The following PITPNA variants were observed in gnomAD, a reference collection of about 807,000 sequenced individuals.
PITPNA encodes the protein phosphatidylinositol transfer protein alpha isoform.
A neutral mutation model predicts 50.3 loss-of-function variants in PITPNA; 13 were observed. The observed-to-expected ratio is 0.26, with a 90% CI of 0.17 to 0.41. The LOEUF (loss-of-function observed/expected upper bound fraction) is 0.41. PITPNA is among the 10% of genes least tolerant of loss of function. The pLI, the probability that PITPNA is intolerant of heterozygous loss-of-function variation, is 1.00. For synonymous variants in PITPNA, 120 were observed against 119.6 expected, an observed-to-expected ratio of 1.00 and a Z score of -0.02; for missense variants, 207 against 333.4, an observed-to-expected ratio of 0.62 and a Z score of 2.95.
At chr17:1,529,155 A>AGAAAGAG (rs56004131) in intron 10 of PITPNA, among the ~76,000 whole-genome samples, 1 of 106,636 alleles carries the variant, frequency 9.4e-6, no homozygotes, top group Admixed American at 1.1e-4. Flanking sequence ...AAAAAAAAAA[A>AGAAAGAG]AGAGAGAGAG....
At chr17:1,557,969 G>A (rs540923436) in intron 2 of PITPNA, among the ~76,000 whole-genome samples, 3 of 152,250 alleles carry the variant, frequency 2.0e-5, no homozygotes, top group African/African-American at 7.2e-5. Context: ...GGGGGCTCAC[G>A]CCTGTCATCC....
intron 10 of PITPNA, among the ~76,000 whole-genome samples, chr17:1,532,982 C>T (rs563954516): frequency 2.6e-5 from 4 of 152,364 alleles, no homozygotes; most frequent in Admixed American, 6.5e-5. Flanking sequence ...ACCCAATTTT[C>T]GCCCTAGACC....
intron 4 of PITPNA, among the ~76,000 whole-genome samples, chr17:1,547,878 C>A (rs2075685360): frequency 6.6e-6 from 1 of 151,998 alleles, no homozygotes; most frequent in Non-Finnish European, 1.5e-5. Flanking sequence ...CCTGTAGTCC[C>A]AGCTACTCGG....
chr17:1,535,624 T>G, intron 7 of PITPNA, 106 bp from the exon 8 acceptor site: 1 of 753,974 alleles, frequency 1.3e-6, no homozygotes, highest in South Asian at 1.4e-5. Context: ...ATCTTGATGC[T>G]GATGGCACAA....
chr17:1,562,001 C>T lies in PITPNA; in HGVS notation c.20+540G>A, dbSNP rs2075770908. Among the ~76,000 whole-genome samples, 1 of 152,132 alleles carries T rather than the reference C, an allele frequency of 6.6e-6. No individual in the cohort carries two copies. Among genetic ancestry groups the T allele is most frequent in the South Asian group, 2.1e-4 (1 of 4,834 alleles). On this transcript the variant is annotated intron_variant, in intron 1 of 11. Coordinates refer to ENST00000313486, the MANE Select transcript of PITPNA (RefSeq NM_006224.4). This position sits in a 1 kb window ranked among gnomAD's most constrained non-coding sequence, Gnocchi z 6.4. ...CCGCGGGGCCTCTCAGCGCCGCCTG[C>T]AGTCCCGGCTGAGCCCGCGCCCTCG... is the stretch of plus-strand genomic sequence containing the variant.
chr17:1,540,837 G>A lies in PITPNA; in HGVS notation c.372+729C>T, dbSNP rs557163299. On this transcript the variant is annotated intron_variant, in intron 6 of 11. Transcript: ENST00000313486. ...CCTGACCTCGTGATCCGCCTGCCTC[G>A]GCCTCCCAAAGTGCTGGGATTACAG... 5.2e-3 allele frequency among the ~76,000 whole-genome samples: 784 copies of A among 152,190 alleles called. 2 individuals are homozygous for A. Among genetic ancestry groups the A allele is most frequent in the Non-Finnish European group, 9.0e-3 (611 of 68,006 alleles).
At chr17:1,545,859 A>G (rs1336600481) in intron 4 of PITPNA, among the ~76,000 whole-genome samples, 1 of 150,032 alleles carries the variant, frequency 6.7e-6, no homozygotes, top group Non-Finnish European at 1.5e-5. Context: ...TCTCTTAGAC[A>G]TCAAGAAAAT....
intron 3 of PITPNA, among the ~76,000 whole-genome samples, chr17:1,549,103 T>G (rs2075694177): frequency 6.6e-6 from 1 of 151,696 alleles, no homozygotes; most frequent in Non-Finnish European, 1.5e-5. Flanking sequence ...AGACAGGGTT[T>G]CACCATGTTG....
At chr17:1,536,091 CTCACT>C (rs1246962804) in intron 7 of PITPNA, among the ~76,000 whole-genome samples, 1 of 152,112 alleles carries the variant, frequency 6.6e-6, no homozygotes, top group Non-Finnish European at 1.5e-5. Context: ...ACTGGTGAGT[CTCACT>C]TCACAGATTT....
At chr17:1,545,572 T>C (rs1300987032) in intron 4 of PITPNA, among the ~76,000 whole-genome samples, 1 of 152,222 alleles carries the variant, frequency 6.6e-6, no homozygotes, top group Non-Finnish European at 1.5e-5. Context: ...ACTCCCTGTC[T>C]CCATGAAATA....
At chr17:1,541,484 A>G in intron 6 of PITPNA, 82 bp downstream of exon 6, 2 of 965,014 alleles carry the variant, frequency 2.1e-6, no homozygotes, top group Non-Finnish European at 3.4e-6. Flanking sequence ...GACCACAGAG[A>G]GGACCCCATG....
intron 5 of PITPNA, 94 bp downstream of exon 5, chr17:1,542,926 G>T: frequency 1.0e-6 from 1 of 957,154 alleles, no homozygotes; most frequent in East Asian, 2.6e-5. Flanking sequence ...ATCAGCCAAG[G>T]GAAAGAACAC....
Position 1,541,391 on chromosome 17 carries a change from T to C in PITPNA, c.372+175A>G, listed in dbSNP as rs574183497. On this transcript the variant is annotated intron_variant, in intron 6 of 11. Transcript: ENST00000313486. Reference sequence around the variant, plus strand: ...CCATAAAAAGTTCCGGAGATCACATTTTGCAAATCAGAGACATAGCAATCC... The same window carrying C: ...CCATAAAAAGTTCCGGAGATCACATCTTGCAAATCAGAGACATAGCAATCC... Among the ~76,000 whole-genome samples the C allele has an allele frequency of 2.0e-5, 3 of 152,138 alleles. No individual in the cohort carries two copies. In the East Asian group the frequency reaches 5.8e-4, roughly 29 times the overall value.
chr17:1,519,869 G>A lies in PITPNA; in HGVS notation c.*692C>T, dbSNP rs986358177. On this transcript the variant is annotated 3_prime_UTR_variant, in exon 12 of 12. Transcript: ENST00000313486. ...CAACAGGAGGGCCAAGAAGCCACAG[G>A]TGTTTCTAAGAGTAGTAACTAGAGA... 2.0e-5 allele frequency: 3 copies of A among 152,262 alleles called. No individual in the cohort carries two copies. The highest frequency in any genetic ancestry group is 4.4e-5 in the Non-Finnish European group (3 of 68,076). 9.4% of individuals were successfully genotyped at this position (152,262 alleles called of 1,614,324 possible).
At chr17:1,547,295 G>A (rs2075680118) in intron 4 of PITPNA, among the ~76,000 whole-genome samples, 1 of 152,138 alleles carries the variant, frequency 6.6e-6, no homozygotes, top group East Asian at 1.9e-4. Flanking sequence ...GAGCCTGGGA[G>A]GTTAAGGCTG....
intron 10 of PITPNA, among the ~76,000 whole-genome samples, chr17:1,527,466 T>TC (rs1567575834): frequency 6.6e-6 from 1 of 151,934 alleles, no homozygotes; most frequent in African/African-American, 2.4e-5. Flanking sequence ...TGTCTCAAAC[T>TC]CCCAAGCTCA....
intron 4 of PITPNA, among the ~76,000 whole-genome samples, chr17:1,543,523 A>C (rs1291255245): frequency 1.3e-5 from 2 of 152,112 alleles, no homozygotes; most frequent in Admixed American, 1.3e-4. Context: ...ACCCCTTAGA[A>C]AGCATGGTTC....
At chr17:1,521,756 C>G (rs2075514166) in intron 10 of PITPNA, 111 bp from the exon 11 acceptor site, 2 of 834,566 alleles carry the variant, frequency 2.4e-6, no homozygotes, top group Non-Finnish European at 4.1e-6. Context: ...AAAAGCAAGA[C>G]ACTGGAAGGA....
chr17:1,532,775 T>C (rs2075592355), intron 10 of PITPNA, among the ~76,000 whole-genome samples: 2 of 152,168 alleles, frequency 1.3e-5, no homozygotes. Context: ...TAAAGATCCT[T>C]AGCGAAAGAA....
Sources: allele counts gnomAD v4.1 joint callset (sites outside exome capture counted in the v4.1 genomes callset), GRCh38; gene constraint gnomAD v4.1.1; non-coding constraint Gnocchi (gnomAD v3.1); transcripts MANE v1.5; gene names NCBI Gene and HGNC (gene_info 2026-07-23, HGNC 2026-07-21).